The following ZNF804A variants were observed in gnomAD, a reference collection of about 807,000 sequenced individuals.
ZNF804A encodes the protein zinc finger protein 804A.
In ZNF804A, 2 loss-of-function variants were observed where a neutral mutation model predicts 16.5. The observed-to-expected ratio is 0.12, with a 90% CI of 0.05 to 0.38. The LOEUF (loss-of-function observed/expected upper bound fraction) is 0.38. ZNF804A is among the 10% of genes least tolerant of loss of function. The pLI, the probability that ZNF804A is intolerant of heterozygous loss-of-function variation, is 0.99. For synonymous variants in ZNF804A, 534 were observed against 489.6 expected (o/e 1.09, Z -1.20); for missense variants, 1,473 against 1,390.7 (o/e 1.06, Z -0.94).
intron 1 of ZNF804A, among the ~76,000 whole-genome samples, chr2:184,862,181 C>T (rs796844146): frequency 2.0e-5 from 3 of 152,240 alleles, no homozygotes; most frequent in African/African-American, 7.2e-5. Flanking sequence ...GTATCTCTTA[C>T]TTTCTGCAGT....
chr2:184,617,316 G>A (rs1691341073), intron 1 of ZNF804A, among the ~76,000 whole-genome samples: 1 of 151,894 alleles, frequency 6.6e-6, no homozygotes, highest in Admixed American at 6.6e-5. Context: ...TAGAAATTAG[G>A]TATAATAATG....
At chr2:184,932,360 AG>A (rs1184677886) in intron 2 of ZNF804A, among the ~76,000 whole-genome samples, 1 of 152,180 alleles carries the variant, frequency 6.6e-6, no homozygotes, top group East Asian at 1.9e-4. Context: ...GCACATGGCT[AG>A]AAAGGCCTCA....
At chr2:184,726,764 A>G (rs965279772) in intron 1 of ZNF804A, among the ~76,000 whole-genome samples, 11 of 151,558 alleles carry the variant, frequency 7.3e-5, no homozygotes, top group African/African-American at 2.7e-4. Context: ...TTTTGTAAAA[A>G]TACACAGTTA....
At chr2:184,867,401 A>T (rs558999561) in intron 2 of ZNF804A, among the ~76,000 whole-genome samples, 9 of 152,266 alleles carry the variant, frequency 5.9e-5, no homozygotes, top group Non-Finnish European at 1.3e-4. Context: ...CTGTTATATC[A>T]GAGTTATTTA....
chr2:184,856,194 G>A (rs868347040), intron 1 of ZNF804A, among the ~76,000 whole-genome samples: 4 of 151,952 alleles, frequency 2.6e-5, no homozygotes, highest in African/African-American at 4.8e-5. Flanking sequence ...AAGCATATCA[G>A]TTTATAAAAT....
At chr2:184,795,637 G>A (rs764613732) in intron 1 of ZNF804A, among the ~76,000 whole-genome samples, 3 of 152,114 alleles carry the variant, frequency 2.0e-5, no homozygotes, top group Non-Finnish European at 4.4e-5. Context: ...CAAAAAGCTG[G>A]TTCTTTGAAA....
intron 1 of ZNF804A, among the ~76,000 whole-genome samples, chr2:184,818,930 CA>C (rs916158653): frequency 6.6e-6 from 1 of 152,062 alleles, no homozygotes; most frequent in African/African-American, 2.4e-5. Flanking sequence ...TAGAGACCTA[CA>C]AAGAGACTAG....
chr2:184,645,495 A>G (rs547973426), intron 1 of ZNF804A, among the ~76,000 whole-genome samples: 1 of 152,274 alleles, frequency 6.6e-6, no homozygotes, highest in South Asian at 2.1e-4. Flanking sequence ...TTAAATATTC[A>G]TTTATTAGAT....
Position 184,938,697 on chromosome 2 carries a change from A to G in ZNF804A, c.3301A>G (p.Thr1101Ala), listed in dbSNP as rs1685839562. 38 of 1,612,924 alleles carry G rather than the reference A, an allele frequency of 2.4e-5. No individual in the cohort carries two copies. Among genetic ancestry groups the G allele is most frequent in the Non-Finnish European group, 3.1e-5 (37 of 1,179,672 alleles). The change falls in exon 4 of 4, where the codon ACT becomes GCT. Residue 1101 changes from threonine (T) to alanine (A), a missense_variant. Transcript: ENST00000302277. The part of the protein sequence containing the change: ...CSTSVTTIHH[T>A]VLQQHAAAAA... ...TACCTCTGTAACCACTATCCATCAC[A>G]CTGTTTTGCAGCAGCACGCTGCAGC...
intron 1 of ZNF804A, among the ~76,000 whole-genome samples, chr2:184,807,681 T>A (rs1429708082): frequency 6.6e-6 from 1 of 151,842 alleles, no homozygotes; most frequent in Admixed American, 6.6e-5. Flanking sequence ...ACAAGTCCCA[T>A]AGAGTCTTTT....
At chr2:184,636,954 CTT>C (rs1359332648) in intron 1 of ZNF804A, among the ~76,000 whole-genome samples, 2 of 152,110 alleles carry the variant, frequency 1.3e-5, no homozygotes, top group Non-Finnish European at 2.9e-5. Context: ...CTCAGAATAA[CTT>C]TATCTCTGAT....
At chr2:184,694,427 A>G (rs1340190732) in intron 1 of ZNF804A, among the ~76,000 whole-genome samples, 1 of 152,162 alleles carries the variant, frequency 6.6e-6, no homozygotes, top group Non-Finnish European at 1.5e-5. Flanking sequence ...TTTTTATATA[A>G]TTATGTGTGC....
chr2:184,632,499 A>G (rs359891), intron 1 of ZNF804A, among the ~76,000 whole-genome samples: 84,123 of 152,020 alleles, frequency 0.55, 24,152 homozygotes, highest in African/African-American at 0.65. Context: ...GGGTCCAAGC[A>G]ATTCTCCCAC....
chr2:184,603,813 T>C (rs1031305876), intron 1 of ZNF804A, among the ~76,000 whole-genome samples: 12 of 152,208 alleles, frequency 7.9e-5, no homozygotes, highest in Non-Finnish European at 7.3e-5. Flanking sequence ...ATATTCAATA[T>C]TAAAGACCAT....
chr2:184,891,011 T>G (rs1354071533), intron 2 of ZNF804A, among the ~76,000 whole-genome samples: 1 of 152,102 alleles, frequency 6.6e-6, no homozygotes, highest in African/African-American at 2.4e-5. Flanking sequence ...ACCACCATTG[T>G]GAGAACAAAA....
intron 1 of ZNF804A, among the ~76,000 whole-genome samples, chr2:184,747,542 A>G (rs950030619): frequency 2.6e-5 from 4 of 151,280 alleles, no homozygotes; most frequent in Admixed American, 1.3e-4. Context: ...TCTTCTACTT[A>G]ATATAAGCGG....
chr2:184,785,744 AT>A (rs755410259), intron 1 of ZNF804A, among the ~76,000 whole-genome samples: 1 of 152,060 alleles, frequency 6.6e-6, no homozygotes, highest in African/African-American at 2.4e-5. Flanking sequence ...CTTCTGATGT[AT>A]TAAACATAGA....
chr2:184,811,163 C>A (rs961680946), intron 1 of ZNF804A, among the ~76,000 whole-genome samples: 1 of 152,070 alleles, frequency 6.6e-6, no homozygotes, highest in African/African-American at 2.4e-5. Flanking sequence ...TGGCAAATTA[C>A]GCTTACAATT....
intron 1 of ZNF804A, among the ~76,000 whole-genome samples, chr2:184,701,875 G>C (rs1422959521): frequency 6.6e-6 from 1 of 151,826 alleles, no homozygotes; most frequent in Non-Finnish European, 1.5e-5. Context: ...TGTGTTTCTT[G>C]CATTAATATT....
Sources: gnomAD v4.1 joint callset for allele counts (sites outside exome capture counted in the v4.1 genomes callset) on GRCh38, gnomAD v4.1.1 for gene constraint, MANE v1.5 for transcripts, NCBI Gene and HGNC (gene_info 2026-07-23, HGNC 2026-07-21) for gene names.